Variants in RIMS2 observed in about 807,000 individuals in gnomAD.
RIMS2 encodes regulating synaptic membrane exocytosis protein 2.
A neutral mutation model predicts 174.4 loss-of-function variants in RIMS2; 59 were observed. The ratio of observed to expected loss-of-function variants is 0.34; its 90% confidence interval spans 0.27 to 0.42. The LOEUF is 0.42. Ranked by LOEUF, RIMS2 falls within the 10% of genes least tolerant of loss-of-function variation. The pLI is 1.00. For synonymous variants in RIMS2, 606 were observed against 572.5 expected (o/e 1.06, Z -0.84); for missense variants, 1,620 against 1,666.3 (o/e 0.97, Z 0.48).
intron 19 of RIMS2, among the ~76,000 whole-genome samples, chr8:104,210,479 CAG>C (rs2099100434): frequency 1.3e-5 from 2 of 152,150 alleles, no homozygotes. Flanking sequence ...TACTTTGAGT[CAG>C]AGTGTTCTCT....
At chr8:103,918,680 GT>G (rs899445147) in intron 9 of RIMS2, 193 bp downstream of exon 12, 23 of 547,822 alleles carry the variant, frequency 4.2e-5, no homozygotes, top group South Asian at 3.8e-4. Context: ...AATATTTTAA[GT>G]TTTTTTTAAA....
At chr8:104,167,471 A>G (rs931564365) in intron 19 of RIMS2, among the ~76,000 whole-genome samples, 5 of 151,986 alleles carry the variant, frequency 3.3e-5, no homozygotes, top group African/African-American at 1.2e-4. Flanking sequence ...CTATTTGTAT[A>G]TCCTTTTTTG....
chr8:104,119,472 A>C (rs575905986), intron 19 of RIMS2, among the ~76,000 whole-genome samples: 1 of 152,156 alleles, frequency 6.6e-6, no homozygotes, highest in South Asian at 2.1e-4. Context: ...AGCAAAAGAC[A>C]CTTTGCCCAT....
chr8:103,873,629 C>A (rs145705050), intron 3 of RIMS2, among the ~76,000 whole-genome samples: 1 of 152,082 alleles, frequency 6.6e-6, no homozygotes, highest in African/African-American at 2.4e-5. Context: ...ATAGAACAAG[C>A]CCAACATCAG....
At chr8:103,912,105 T>G in exon 6 of RIMS2, 1 of 1,607,362 alleles carries the variant, frequency 6.2e-7, no homozygotes, top group Non-Finnish European at 8.5e-7. Context: ...ATTGGTCGCA[T>G]TTTATTAAAT....
At chr8:103,785,617 AG>A (rs1592297060) in intron 3 of RIMS2, among the ~76,000 whole-genome samples, 1 of 152,144 alleles carries the variant, frequency 6.6e-6, no homozygotes, top group East Asian at 1.9e-4. Flanking sequence ...CCAGGGATGA[AG>A]CCCACTTGAT....
At chr8:103,618,855 A>G (rs1463773406) in intron 1 of RIMS2, among the ~76,000 whole-genome samples, 2 of 152,138 alleles carry the variant, frequency 1.3e-5, no homozygotes, top group Non-Finnish European at 2.9e-5. Flanking sequence ...TTGGAAGACA[A>G]ACCTATTTTC....
chr8:104,076,720 T>C (rs780698850), intron 19 of RIMS2, among the ~76,000 whole-genome samples: 4 of 152,128 alleles, frequency 2.6e-5, no homozygotes, highest in Non-Finnish European at 5.9e-5. Context: ...ATACTATCTG[T>C]ATGACCTTGG....
chr8:103,557,542 G>T (rs2090713986), intron 1 of RIMS2, among the ~76,000 whole-genome samples: 1 of 152,142 alleles, frequency 6.6e-6, no homozygotes, highest in African/African-American at 2.4e-5. Context: ...TTTATCACCT[G>T]CTGTGTTCCA....
chr8:104,171,878 A>G (rs1266370708), intron 19 of RIMS2, among the ~76,000 whole-genome samples: 1 of 152,064 alleles, frequency 6.6e-6, no homozygotes, highest in East Asian at 1.9e-4. Context: ...ATTATAGCCT[A>G]ATTTGATTCT....
chr8:103,697,605 A>G (rs1015267166), intron 2 of RIMS2, among the ~76,000 whole-genome samples: 3 of 151,274 alleles, frequency 2.0e-5, no homozygotes, highest in Admixed American at 6.6e-5. Flanking sequence ...GCGGGCCCCT[A>G]TAGTCCTAGC....
chr8:104,173,708 A>G (rs2098846547), intron 19 of RIMS2, among the ~76,000 whole-genome samples: 1 of 129,776 alleles, frequency 7.7e-6, no homozygotes, highest in South Asian at 2.4e-4. Context: ...GGCTCACTGC[A>G]AGCTCCACCT....
chr8:103,961,601 T>C (rs1210462282), intron 15 of RIMS2, among the ~76,000 whole-genome samples: 2 of 152,150 alleles, frequency 1.3e-5, no homozygotes. Context: ...GTTTAAAATA[T>C]TTGCCTCATT....
intron 19 of RIMS2, among the ~76,000 whole-genome samples, chr8:104,017,193 T>C (rs2095939388): frequency 6.6e-6 from 1 of 151,974 alleles, no homozygotes; most frequent in Admixed American, 6.5e-5. Context: ...CTTCAGTTAA[T>C]CTTCAGTAAG....
chr8:103,750,379 T>G (rs2097871522), intron 2 of RIMS2, among the ~76,000 whole-genome samples: 1 of 152,148 alleles, frequency 6.6e-6, no homozygotes, highest in Admixed American at 6.5e-5. Context: ...TCTTTTCCAT[T>G]ATATAGAAGA....
intron 19 of RIMS2, chr8:104,223,312 C>T (rs1052680675): frequency 8.9e-5 from 87 of 980,346 alleles, no homozygotes; most frequent in Non-Finnish European, 1.1e-4. Flanking sequence ...GCGGCATCTC[C>T]CTGCGCGGGG....
chr8:104,224,011 G>T (rs1262379209), intron 19 of RIMS2, among the ~76,000 whole-genome samples: 1 of 152,230 alleles, frequency 6.6e-6, no homozygotes, highest in Non-Finnish European at 1.5e-5. Context: ...TTGGGAAAAG[G>T]CTCTCCTAGT....
intron 19 of RIMS2, among the ~76,000 whole-genome samples, chr8:104,159,678 T>C (rs1391116442): frequency 6.6e-6 from 1 of 152,174 alleles, no homozygotes; most frequent in Non-Finnish European, 1.5e-5. Context: ...TAATGATTAG[T>C]GGTATTGAGC....
intron 16 of RIMS2, among the ~76,000 whole-genome samples, chr8:103,983,358 G>T (rs1231325216): frequency 6.6e-6 from 1 of 152,124 alleles, no homozygotes; most frequent in East Asian, 1.9e-4. Flanking sequence ...ATCCCTATCA[G>T]AATACCAATG....
Sources: gnomAD v4.1 joint callset for allele counts (sites outside exome capture counted in the v4.1 genomes callset) on GRCh38, gnomAD v4.1.1 for gene constraint, MANE v1.5 for transcripts, NCBI Gene and HGNC (gene_info 2026-07-23, HGNC 2026-07-21) for gene names.